The following ATG3 variants were observed in gnomAD, a reference collection of about 807,000 sequenced individuals.
ATG3 encodes the protein autophagy related 3.
In ATG3, 25 loss-of-function variants were observed where a neutral mutation model predicts 50.7. The ratio of observed to expected loss-of-function variants is 0.49; its 90% CI spans 0.36 to 0.69. ATG3 has a LOEUF of 0.69. Among genes scored for constraint, ATG3 ranks in the 30% least tolerant of loss-of-function variants. The pLI is 0.00. For missense variants in ATG3, 281 were observed against 376.0 expected (o/e 0.75, Z 2.09); for synonymous variants, 119 against 125.5 (o/e 0.95, Z 0.34).
intron 2 of ATG3, among the ~76,000 whole-genome samples, chr3:112,556,908 T>C (rs1400215593): frequency 6.6e-6 from 1 of 151,968 alleles, no homozygotes; most frequent in Non-Finnish European, 1.5e-5. Flanking sequence ...CAGGGTCCTC[T>C]GCCTAGGAAA....
At chr3:112,545,707 G>A (rs1047235822) in intron 5 of ATG3, among the ~76,000 whole-genome samples, 12 of 151,980 alleles carry the variant, frequency 7.9e-5, no homozygotes, top group South Asian at 2.1e-4. Context: ...TAAGTAGTAC[G>A]CCATTAAAAC....
chr3:112,548,506 A>G (rs1933434027), intron 5 of ATG3, 27 bp downstream of exon 5: 12 of 1,540,544 alleles, frequency 7.8e-6, no homozygotes, highest in Non-Finnish European at 1.1e-5. Context: ...TTTAAACTAA[A>G]TATATGTCAT....
Position 112,532,998 on chromosome 3 carries a change from ACTT to A in ATG3, c.864-221_864-219del, listed in dbSNP as rs1161321033. The A allele has an allele frequency of 9.3e-6, 11 of 1,187,916 alleles. No homozygotes were observed. The East Asian group carries it at 3.5e-4, about 38-fold the overall frequency. The allele number at this position is 1,187,916 out of a possible 1,614,324, so 73.6% of individuals were successfully genotyped here. A position where few individuals can be genotyped will look rare whatever the true frequency, so the allele number is the denominator to read the frequency against. ...CACTCATTCGATTATTGAATTTGAAACTTCTTAATGAGTAGGTGTTCATATAAG... is the reference window on the plus strand; with the variant it reads ...CACTCATTCGATTATTGAATTTGAAACTTAATGAGTAGGTGTTCATATAAG... On this transcript the variant is annotated intron_variant, in intron 11 of 11. Coordinates refer to ENST00000283290, the MANE Select transcript of ATG3 (RefSeq NM_022488.5).
Position 112,534,273 on chromosome 3 carries a change from G to T in ATG3, c.859C>A (p.His287Asn). 1 of 1,596,448 alleles carries T rather than the reference G, an allele frequency of 6.3e-7. No individual in the cohort carries two copies. Among genetic ancestry groups the T allele is most frequent in the Non-Finnish European group, 8.5e-7 (1 of 1,172,340 alleles). The change falls in exon 11 of 12, where the codon CAT (histidine) becomes AAT (asparagine). Residue 287 changes from histidine to asparagine, a missense_variant. Physicochemically the swap from His to Asn is moderately conservative, Grantham distance 68 (BLOSUM62 1). Around this residue, in one of 3 missense-constraint regions of ATG3, gnomAD observed 242 missense variants for 305.0 expected, o/e 0.79. Transcript: ENST00000283290. ...CTTACATACAGGGAAGGATACATATGAACTCCAAGTTCTCCCCCTCCTTCT... is the reference window on the plus strand; with the variant it reads ...CTTACATACAGGGAAGGATACATATTAACTCCAAGTTCTCCCCCTCCTTCT... ...VAEGGGELGVHMYLLIFLKFV... is the reference protein window; with the variant it reads ...VAEGGGELGVNMYLLIFLKFV...
Position 112,553,284 on chromosome 3 carries a change from G to T in ATG3, c.160C>A (p.Gln54Lys). ...DHLVHHCPTW[Q>K]WATGEELKVK... Reference sequence around the variant, plus strand: ...TCTTTACTCAATATTACTTACCATTGCCATGTTGGACAGTGGTGGACTAGG... The same window carrying T: ...TCTTTACTCAATATTACTTACCATTTCCATGTTGGACAGTGGTGGACTAGG... Residue 54 changes from glutamine to lysine, a missense_variant, in exon 3 of 12, where the codon CAA becomes AAA. Around this residue, in one of 3 missense-constraint regions of ATG3, gnomAD observed 17 missense variants for 48.2 expected, o/e 0.35. Coordinates refer to ENST00000283290, the MANE Select transcript of ATG3 (RefSeq NM_022488.5). 1 of 1,607,964 alleles carries T rather than the reference G, an allele frequency of 6.2e-7. No homozygotes were observed. Among genetic ancestry groups the T allele is most frequent in the Non-Finnish European group, 8.5e-7 (1 of 1,174,626 alleles).
At chr3:112,551,683 A>G (rs1465465550) in intron 3 of ATG3, among the ~76,000 whole-genome samples, 1 of 152,190 alleles carries the variant, frequency 6.6e-6, no homozygotes, top group African/African-American at 2.4e-5. Context: ...TATCATATAG[A>G]AAAAAACCTG....
chr3:112,544,214 TAAG>T (rs1441231479), intron 5 of ATG3, 108 bp from the exon 6 acceptor site: 3 of 880,028 alleles, frequency 3.4e-6, no homozygotes, highest in Non-Finnish European at 3.6e-6. Context: ...TTCTCTGAAA[TAAG>T]GAGGCAAATA....
intron 10 of ATG3, 191 bp downstream of exon 10, chr3:112,536,284 T>C (rs943644726): frequency 8.4e-6 from 5 of 591,838 alleles, no homozygotes; most frequent in Non-Finnish European, 1.3e-5. Flanking sequence ...TTAAAACAAA[T>C]TGGTAAGTTT....
chr3:112,553,376 CAA>C (rs1163590685), intron 2 of ATG3, 47 bp from the exon 3 acceptor site: 2 of 1,553,140 alleles, frequency 1.3e-6, no homozygotes, highest in South Asian at 2.2e-5. Context: ...AAAGAAAAAT[CAA>C]ACATCACTGA....
In ATG3 at chr3:112,558,357, G is replaced by GT; in HGVS notation, c.114+18dup. The GT allele has an allele frequency of 6.4e-7, 1 of 1,574,390 alleles. No homozygotes were observed. The highest frequency in any genetic ancestry group is 1.2e-5 in the South Asian group (1 of 86,404). ...ATTATTGTAAAATAAAAAGACTTCA[G>GT]TATATCTTCAGCACTCACCTCTTCT... On this transcript the variant is annotated intron_variant, in intron 2 of 11. Transcript: ENST00000283290.
chr3:112,533,470 T>A (rs1271172377), intron 11 of ATG3: 24 of 985,312 alleles, frequency 2.4e-5, no homozygotes, highest in Non-Finnish European at 2.8e-5. Flanking sequence ...TTTGTTTCAA[T>A]ATCAAATCAG....
intron 3 of ATG3, among the ~76,000 whole-genome samples, chr3:112,550,466 T>G (rs958911619): frequency 2.6e-5 from 4 of 152,160 alleles, no homozygotes; most frequent in Non-Finnish European, 5.9e-5. Flanking sequence ...TGAAACATAC[T>G]AAGAGATGCA....
At chr3:112,550,170 A>T (rs1933491142) in intron 4 of ATG3, 22 bp downstream of exon 4, 1 of 1,566,926 alleles carries the variant, frequency 6.4e-7, no homozygotes, top group Non-Finnish European at 8.7e-7. Flanking sequence ...AAATTTATTC[A>T]TATATGCAAC....
Position 112,537,880 on chromosome 3 carries a change from T to A in ATG3, c.521A>T (p.Asp174Val), listed in dbSNP as rs1236583748. 6 of 1,603,782 alleles carry A rather than the reference T, an allele frequency of 3.7e-6. No individual in the cohort carries two copies. Among genetic ancestry groups the A allele is most frequent in the South Asian group, 1.1e-5 (1 of 88,634 alleles). Residue 174 changes from aspartate (D) to valine (V), a missense_variant, in exon 9 of 12, where the codon GAT (aspartate) becomes GTT (valine). Coordinates refer to ENST00000283290, the MANE Select transcript of ATG3 (RefSeq NM_022488.5). ...GLLETDEATL[D>V]TRKIVEACKA... is the part of the protein sequence containing the mutation. ...ACAAGCTTCTACTATTTTCCTTGTATCTAGGGTAGCCTGAAAATAATAAAA... is the reference window on the plus strand; with the variant it reads ...ACAAGCTTCTACTATTTTCCTTGTAACTAGGGTAGCCTGAAAATAATAAAA...
intron 3 of ATG3, among the ~76,000 whole-genome samples, chr3:112,552,063 T>C (rs1933543426): frequency 6.8e-6 from 1 of 146,200 alleles, no homozygotes; most frequent in South Asian, 2.1e-4. Flanking sequence ...TGAAAGAGTT[T>C]GAAGCTAGAA....
chr3:112,545,155 G>GA (rs1456171673), intron 5 of ATG3, among the ~76,000 whole-genome samples: 8 of 152,208 alleles, frequency 5.3e-5, no homozygotes, highest in Admixed American at 2.0e-4. Context: ...TCACTGGAGA[G>GA]ATGACTTGCT....
Position 112,536,479 on chromosome 3 carries a change from A to G in ATG3, c.790T>C (p.Cys264Arg). Residue 264 changes from cysteine (C) to arginine (R), a missense_variant, in exon 10 of 12, where the codon TGC becomes CGC. Cys to Arg is a radical substitution (Grantham distance 180). Transcript: ENST00000283290. Reference sequence around the variant, plus strand: ...TTTATCTCTACATATACAGACCTGCATGGGTGAACTGAACACATGGGAGGT... The same window carrying G: ...TTTATCTCTACATATACAGACCTGCGTGGGTGAACTGAACACATGGGAGGT... ...PPPPMCSVHPCRHAEVMKKII... is the reference protein window; with the variant it reads ...PPPPMCSVHPRRHAEVMKKII... 1 of 1,613,376 alleles carries G rather than the reference A, an allele frequency of 6.2e-7. No individual in the cohort carries two copies. The highest frequency in any genetic ancestry group is 1.3e-5 in the African/African-American group (1 of 75,040).
chr3:112,550,439 C>T (rs984226416), intron 3 of ATG3, among the ~76,000 whole-genome samples, 177 bp from the exon 4 acceptor site: 7 of 152,006 alleles, frequency 4.6e-5, no homozygotes, highest in Non-Finnish European at 7.4e-5. Context: ...TGGAGAAAAG[C>T]ACAACAATAA....
chr3:112,534,301 AAC>A lies in ATG3; in HGVS notation c.829_830del (p.Val277CysfsTer30). ...CTCCAAGTTCTCCCCCTCCTTCTGC[AAC>A]AGTCTCAATGATTTTCTTCATCACC... ...AEVMKKIIET[V>X]AEGGGELGVH... On this transcript the variant is annotated frameshift_variant, in exon 11 of 12. Transcript: ENST00000283290. LOFTEE classifies it high-confidence loss of function. 6.2e-7 allele frequency: 1 copy of A among 1,600,626 alleles called. No homozygotes were observed.
Sources: allele counts gnomAD v4.1 joint callset (sites outside exome capture counted in the v4.1 genomes callset), GRCh38; gene constraint gnomAD v4.1.1; regional missense constraint gnomAD v4.1.1; transcripts MANE v1.5; gene names NCBI Gene and HGNC (gene_info 2026-07-23, HGNC 2026-07-21).